Variants in BORCS5 observed in about 807,000 individuals in gnomAD.
BORCS5 encodes the protein BLOC-1-related complex subunit 5.
BORCS5 carries 17 observed loss-of-function variants against 22.1 expected under a neutral mutation model. That is an observed-to-expected ratio of 0.77 (90% CI 0.53 to 1.15). The LOEUF is 1.15. BORCS5 is among the 50% of genes most tolerant of loss of function. The pLI is 0.00. For synonymous variants in BORCS5, 117 were observed against 99.8 expected, an observed-to-expected ratio of 1.17 and a Z score of -1.03; for missense variants, 247 against 253.2, an observed-to-expected ratio of 0.98 and a Z score of 0.17.
At position 12,458,166 on chromosome 12, in the gene BORCS5, C is replaced by G. The variant is rs1248935700; in HGVS notation, c.361-7380C>G. 3.9e-5 allele frequency among the ~76,000 whole-genome samples: 6 copies of G among 152,158 alleles called. No individual in the cohort carries two copies. In the South Asian group the frequency reaches 1.2e-3, roughly 31 times the overall value. ...TTTGTTTTCCTGATCTGTAGTCCAT[C>G]TTGCTTAACAGTGCCCAAGGGCACA... On this transcript the variant is annotated intron_variant, in intron 3 of 3. Transcript: ENST00000314565.
chr12:12,455,219 A>G (rs1942977506), intron 3 of BORCS5, among the ~76,000 whole-genome samples: 1 of 152,246 alleles, frequency 6.6e-6, no homozygotes, highest in South Asian at 2.1e-4. Context: ...GAAAGAACAA[A>G]GCTGGGAATG....
chr12:12,403,565 T>G (rs1166821759), intron 2 of BORCS5, among the ~76,000 whole-genome samples: 1 of 152,164 alleles, frequency 6.6e-6, no homozygotes, highest in Non-Finnish European at 1.5e-5. Context: ...TCCCGAGTAT[T>G]ATCAACTAAC....
intron 2 of BORCS5, among the ~76,000 whole-genome samples, chr12:12,409,778 A>C (rs1048416941): frequency 2.0e-5 from 3 of 151,022 alleles, no homozygotes; most frequent in African/African-American, 7.3e-5. Flanking sequence ...TGGTATTTCT[A>C]GTTCTAGATC....
intron 3 of BORCS5, among the ~76,000 whole-genome samples, chr12:12,462,794 C>T (rs111950425): frequency 6.6e-6 from 1 of 152,216 alleles, no homozygotes; most frequent in South Asian, 2.1e-4. Context: ...GTAGTTGGGA[C>T]TATAGGCGCA....
intron 2 of BORCS5, among the ~76,000 whole-genome samples, chr12:12,376,019 G>A (rs914984013): frequency 3.3e-5 from 5 of 152,046 alleles, no homozygotes; most frequent in African/African-American, 1.2e-4. Context: ...TGGCCAGGCT[G>A]GTCTCAAACT....
intron 2 of BORCS5, among the ~76,000 whole-genome samples, chr12:12,426,187 G>A (rs1053768534): frequency 1.3e-5 from 2 of 152,122 alleles, no homozygotes; most frequent in Non-Finnish European, 2.9e-5. Flanking sequence ...AGTTCAAACA[G>A]AGAGCAAGCC....
In BORCS5 at chr12:12,401,955, A is replaced by G. The variant is rs533246691; in HGVS notation, c.203-33673A>G. On this transcript the variant is annotated intron_variant, in intron 2 of 3. Transcript: ENST00000314565. The stretch of plus-strand genomic sequence containing the variant: ...GTGGTGGGCGCCTGTAGTCCCAGCT[A>G]CTCAGGAGGCTGAGGCAGGAGAATG... Among the ~76,000 whole-genome samples the G allele has an allele frequency of 5.1e-4, 77 of 151,728 alleles. No homozygotes were observed. In the East Asian group the frequency reaches 0.013, roughly 25 times the overall value.
At position 12,427,616 on chromosome 12, in the gene BORCS5, G is replaced by T. The variant is rs184863602; in HGVS notation, c.203-8012G>T. On this transcript the variant is annotated intron_variant, in intron 2 of 3. Coordinates refer to ENST00000314565, the MANE Select transcript of BORCS5 (RefSeq NM_058169.6). ...GACTCGAAAATTTCTTATTGTTTTT[G>T]GGGGTATCATAGTCAATTTGGGCTC... 2.5e-3 allele frequency among the ~76,000 whole-genome samples: 385 copies of T among 152,220 alleles called. 1 individual carries two copies. Among genetic ancestry groups the T allele is most frequent in the African/African-American group, 8.3e-3 (345 of 41,532 alleles).
chr12:12,449,938 G>A (rs1942876959), intron 3 of BORCS5, among the ~76,000 whole-genome samples: 1 of 152,218 alleles, frequency 6.6e-6, no homozygotes, highest in Non-Finnish European at 1.5e-5. Flanking sequence ...ATTCCTGATG[G>A]ACGTGGAGAT....
chr12:12,361,077 A>AC (rs1443235137), intron 1 of BORCS5, 129 bp from the exon 2 acceptor site: 7 of 877,680 alleles, frequency 8.0e-6, no homozygotes. Flanking sequence ...CATCCCTGCC[A>AC]CCCCAACCCC....
chr12:12,393,016 T>C (rs1018517305), intron 2 of BORCS5, among the ~76,000 whole-genome samples: 3 of 152,044 alleles, frequency 2.0e-5, no homozygotes, highest in Non-Finnish European at 4.4e-5. Context: ...GGCGGACTGC[T>C]TGAGCCCAAG....
chr12:12,369,861 A>T (rs905100781), intron 2 of BORCS5, among the ~76,000 whole-genome samples: 3 of 151,170 alleles, frequency 2.0e-5, no homozygotes, highest in Non-Finnish European at 4.4e-5. Context: ...AGTAGCTGGG[A>T]CTACAGGTGT....
At chr12:12,376,762 T>C (rs561615890) in intron 2 of BORCS5, among the ~76,000 whole-genome samples, 2 of 152,296 alleles carry the variant, frequency 1.3e-5, no homozygotes, top group Non-Finnish European at 2.9e-5. Flanking sequence ...GGCCTTCCTT[T>C]AGTGTAGTAA....
intron 2 of BORCS5, among the ~76,000 whole-genome samples, chr12:12,429,050 C>T (rs955502814): frequency 2.6e-5 from 4 of 152,186 alleles, no homozygotes; most frequent in South Asian, 2.1e-4. Context: ...GTGGAGCTGC[C>T]GGGCATTGGA....
At chr12:12,357,580 T>A in intron 1 of BORCS5, 71 bp downstream of exon 1, 2 of 1,503,580 alleles carry the variant, frequency 1.3e-6, no homozygotes, top group Non-Finnish European at 1.8e-6. Context: ...CCTCCCAGAC[T>A]AGGGTCAGGG....
At chr12:12,462,796 A>G (rs1393834834) in intron 3 of BORCS5, among the ~76,000 whole-genome samples, 1 of 152,144 alleles carries the variant, frequency 6.6e-6, no homozygotes, top group South Asian at 2.1e-4. Flanking sequence ...AGTTGGGACT[A>G]TAGGCGCACA....
intron 2 of BORCS5, among the ~76,000 whole-genome samples, chr12:12,408,448 G>A (rs1941641330): frequency 6.6e-6 from 1 of 152,140 alleles, no homozygotes; most frequent in South Asian, 2.1e-4. Context: ...TAAGTTCAGT[G>A]GTATTAAGTA....
At chr12:12,360,978 C>G (rs1311763482) in intron 1 of BORCS5, among the ~76,000 whole-genome samples, 3 of 152,092 alleles carry the variant, frequency 2.0e-5, no homozygotes, top group Non-Finnish European at 4.4e-5. Context: ...ACCTCGGCTT[C>G]CCAAAGTGCT....
chr12:12,372,215 CT>C (rs779159146), intron 2 of BORCS5, among the ~76,000 whole-genome samples: 2 of 152,128 alleles, frequency 1.3e-5, no homozygotes, highest in African/African-American at 2.4e-5. Flanking sequence ...AATTTCTGTA[CT>C]TTTAGTAGAG....
Sources: gnomAD v4.1 joint callset for allele counts (sites outside exome capture counted in the v4.1 genomes callset) on GRCh38, gnomAD v4.1.1 for gene constraint, MANE v1.5 for transcripts, NCBI Gene and HGNC (gene_info 2026-07-23, HGNC 2026-07-21) for gene names.